Variants in CDKAL1 observed in about 807,000 individuals in gnomAD.
CDKAL1 encodes CDKAL1 threonylcarbamoyladenosine tRNA methylthiotransferase.
Under a neutral mutation model 68.2 loss-of-function variants are expected in CDKAL1, and 32 were observed. The observed-to-expected ratio is 0.47, with a 90% CI of 0.35 to 0.63. The LOEUF (loss-of-function observed/expected upper bound fraction) is 0.63, where lower values mean the gene tolerates loss of function less well. Ranked by LOEUF, CDKAL1 falls within the 30% of genes least tolerant of loss-of-function variation. The probability of loss-of-function intolerance (pLI) is 0.00; values close to 1 mark genes in which losing one functional copy is unlikely to be tolerated. For missense variants in CDKAL1, 606 were observed against 696.7 expected, an observed-to-expected ratio of 0.87 and a Z score of 1.47; for synonymous variants, 234 against 244.3, an observed-to-expected ratio of 0.96 and a Z score of 0.39.
At chr6:20,992,196 T>TTATATA (rs973247441) in intron 10 of CDKAL1, among the ~76,000 whole-genome samples, 8 of 141,102 alleles carry the variant, frequency 5.7e-5, no homozygotes, top group African/African-American at 2.3e-4. Flanking sequence ...GTCAGCTTTT[T>TTATATA]TATATATATA....
chr6:21,215,824 G>A (rs1036788661), intron 15 of CDKAL1, among the ~76,000 whole-genome samples: 4 of 152,224 alleles, frequency 2.6e-5, no homozygotes, highest in African/African-American at 7.2e-5. Context: ...AAAGGTGATC[G>A]TGTCCTAATC....
intron 5 of CDKAL1, among the ~76,000 whole-genome samples, chr6:20,717,180 T>C (rs182123880): frequency 1.2e-4 from 18 of 152,094 alleles, no homozygotes; most frequent in African/African-American, 4.3e-4. Context: ...ATAAAGTACT[T>C]ATTGCATTTT....
chr6:21,002,434 C>A (rs1186807618), intron 11 of CDKAL1, among the ~76,000 whole-genome samples: 1 of 152,002 alleles, frequency 6.6e-6, no homozygotes, highest in Non-Finnish European at 1.5e-5. Flanking sequence ...AAGTGCCATG[C>A]GTCAATTAGA....
At chr6:20,702,085 A>G (rs1442663289) in intron 5 of CDKAL1, among the ~76,000 whole-genome samples, 1 of 151,932 alleles carries the variant, frequency 6.6e-6, no homozygotes, top group East Asian at 1.9e-4. Context: ...TTTCTTCCCT[A>G]CTCCTGTGCT....
At chr6:20,714,187 A>G (rs1771976548) in intron 5 of CDKAL1, among the ~76,000 whole-genome samples, 2 of 151,920 alleles carry the variant, frequency 1.3e-5, no homozygotes, top group African/African-American at 4.8e-5. Flanking sequence ...ACAAAGTACT[A>G]TGATACAAAA....
intron 12 of CDKAL1, among the ~76,000 whole-genome samples, chr6:21,102,957 T>C (rs1773655736): frequency 6.6e-6 from 1 of 152,220 alleles, no homozygotes; most frequent in South Asian, 2.1e-4. Context: ...AACCCGCTCT[T>C]TTGGCTTCTT....
At chr6:20,640,574 G>A (rs1331051926) in intron 4 of CDKAL1, among the ~76,000 whole-genome samples, 1 of 152,198 alleles carries the variant, frequency 6.6e-6, no homozygotes, top group Non-Finnish European at 1.5e-5. Flanking sequence ...CAAGATCTTA[G>A]AAATTTTGAA....
intron 4 of CDKAL1, among the ~76,000 whole-genome samples, chr6:20,612,679 C>G (rs9350265): frequency 0.28 from 42,657 of 151,760 alleles, 6,533 homozygotes; most frequent in East Asian, 0.53. Flanking sequence ...TATTTTCTTC[C>G]TTTTTGTAGG....
chr6:20,802,309 CAACAACAATAATAATAATAAT>C (rs1211095226), intron 8 of CDKAL1, among the ~76,000 whole-genome samples: 6 of 142,350 alleles, frequency 4.2e-5, no homozygotes, highest in Non-Finnish European at 6.1e-5. Context: ...AAAACAACAA[CAACAACAATAATAATAATAAT>C]AATAATAATA....
In CDKAL1 at chr6:20,802,300, AAACAACAAC is replaced by A. The variant is rs1193956957; in HGVS notation, c.638+21044_638+21052del. On this transcript the variant is annotated intron_variant, in intron 8 of 15. Transcript: ENST00000274695. ...CAACAAAGCAAGACTCCGTCTCAAAAAACAACAACAACAACAATAATAATAATAATAATA... is the reference window on the plus strand; with the variant it reads ...CAACAAAGCAAGACTCCGTCTCAAAAAACAACAATAATAATAATAATAATA... Among the ~76,000 whole-genome samples, 308 of 110,810 alleles carry A rather than the reference AAACAACAAC, an allele frequency of 2.8e-3. 1 individual carries two copies. The highest frequency in any genetic ancestry group is 8.5e-3 in the African/African-American group (286 of 33,796). 72.7% of individuals were successfully genotyped at this position (110,810 alleles called of 152,430 possible).
intron 10 of CDKAL1, among the ~76,000 whole-genome samples, chr6:20,972,292 A>G (rs1272976271): frequency 6.6e-6 from 1 of 152,104 alleles, no homozygotes; most frequent in Non-Finnish European, 1.5e-5. Flanking sequence ...AGGACTGGAG[A>G]TCATTTTGGT....
At chr6:20,591,273 A>G (rs575251678) in intron 4 of CDKAL1, among the ~76,000 whole-genome samples, 1 of 152,092 alleles carries the variant, frequency 6.6e-6, no homozygotes, top group African/African-American at 2.4e-5. Context: ...AAATGGATAG[A>G]TTGCAAAAAT....
chr6:20,543,732 ATTTTTTTTTTT>A (rs758586145), intron 2 of CDKAL1, among the ~76,000 whole-genome samples: 42 of 102,404 alleles, frequency 4.1e-4, no homozygotes, highest in Non-Finnish European at 5.4e-4. Context: ...TATGTTTTAC[ATTTTTTTTTTT>A]TTTTTTTTTT....
At chr6:20,698,342 T>C (rs1771195708) in intron 5 of CDKAL1, among the ~76,000 whole-genome samples, 1 of 152,242 alleles carries the variant, frequency 6.6e-6, no homozygotes, top group East Asian at 1.9e-4. Flanking sequence ...CCTACATTAT[T>C]ATGCTACATT....
At chr6:21,174,823 C>T (rs950866021) in intron 13 of CDKAL1, among the ~76,000 whole-genome samples, 1 of 151,964 alleles carries the variant, frequency 6.6e-6, no homozygotes, top group African/African-American at 2.4e-5. Flanking sequence ...CACCCCGTAT[C>T]CAAAGAGATA....
chr6:20,842,125 T>G (rs1778196483), intron 8 of CDKAL1, among the ~76,000 whole-genome samples: 1 of 152,226 alleles, frequency 6.6e-6, no homozygotes. Flanking sequence ...GTGAATTTCT[T>G]TATTTTATAG....
chr6:20,567,754 C>A (rs1406776562), intron 4 of CDKAL1, among the ~76,000 whole-genome samples: 1 of 152,076 alleles, frequency 6.6e-6, no homozygotes, highest in African/African-American at 2.4e-5. Flanking sequence ...TACTTTGTGG[C>A]CCAGGCTGGA....
intron 4 of CDKAL1, among the ~76,000 whole-genome samples, chr6:20,603,768 ATTTTT>A (rs745786047): frequency 1.6e-4 from 14 of 85,218 alleles, no homozygotes; most frequent in East Asian, 4.3e-4. Flanking sequence ...CAGTTGCTAA[ATTTTT>A]TTTTTTTTTT....
In CDKAL1 at chr6:21,223,234, G is replaced by A. The variant is rs540913229; in HGVS notation, c.1549-7614G>A. On this transcript the variant is annotated intron_variant, in intron 15 of 15. Coordinates refer to ENST00000274695, the MANE Select transcript of CDKAL1 (RefSeq NM_017774.3). ...TTCTCATTTGTATGGAATTATCAAT[G>A]TATCTCAGAAGTGTTGCTGTGGGGC... Among the ~76,000 whole-genome samples, 28 of 152,310 alleles carry A rather than the reference G, an allele frequency of 1.8e-4. No individual in the cohort carries two copies. The South Asian group carries it at 5.6e-3, about 30-fold the overall frequency.
Sources: gnomAD v4.1 joint callset for allele counts (sites outside exome capture counted in the v4.1 genomes callset) on GRCh38, gnomAD v4.1.1 for gene constraint, MANE v1.5 for transcripts, NCBI Gene and HGNC (gene_info 2026-07-23, HGNC 2026-07-21) for gene names.